Variants in ZNF700 observed in about 807,000 individuals in gnomAD.
ZNF700 encodes zinc finger protein 700.
ZNF700 carries 38 observed loss-of-function variants against 65.3 expected under a neutral mutation model. The ratio of observed to expected loss-of-function variants is 0.58; its 90% CI spans 0.45 to 0.76. The LOEUF is 0.76. Ranked by LOEUF, ZNF700 falls within the 30% of genes least tolerant of loss-of-function variation. The pLI is 0.00. For missense variants in ZNF700, 857 were observed against 888.4 expected, an observed-to-expected ratio of 0.96 and a Z score of 0.45; for synonymous variants, 285 against 290.4, an observed-to-expected ratio of 0.98 and a Z score of 0.19.
chr19:11,926,395 A>C (rs1599275287), intron 1 of ZNF700, among the ~76,000 whole-genome samples: 2 of 151,950 alleles, frequency 1.3e-5, no homozygotes, highest in East Asian at 3.9e-4. Context: ...CTGGAAAGGT[A>C]CTTTGTTTTT....
intron 1 of ZNF700, among the ~76,000 whole-genome samples, chr19:11,938,104 T>C (rs1391703298): frequency 6.6e-6 from 1 of 152,006 alleles, no homozygotes; most frequent in Non-Finnish European, 1.5e-5. Flanking sequence ...AGTCTCACTC[T>C]GTCATCCAGG....
Position 11,950,268 on chromosome 19 carries a change from T to A in ZNF700, c.*15T>A. 6.3e-7 allele frequency: 1 copy of A among 1,595,868 alleles called. No individual in the cohort carries two copies. Among genetic ancestry groups the A allele is most frequent in the Non-Finnish European group, 8.5e-7 (1 of 1,173,900 alleles). ...CATTCAGCTAGCCTGGTTCCTTTTA[T>A]GGACATGAATAGACTCACACTGGAA... is the stretch of plus-strand genomic sequence containing the variant. On this transcript the variant is annotated 3_prime_UTR_variant, in exon 4 of 4. Coordinates refer to ENST00000254321, the MANE Select transcript of ZNF700 (RefSeq NM_144566.3).
chr19:11,929,468 C>T (rs8113106), intron 1 of ZNF700, among the ~76,000 whole-genome samples: 133,222 of 148,176 alleles, frequency 0.9, 60,504 homozygotes, highest in African/African-American at 0.97. Context: ...CGGCCTGACT[C>T]ATTTGTTCAA....
chr19:11,931,670 G>GTGAAATATGTTGTTGCTGATAA (rs1555700040), intron 1 of ZNF700, among the ~76,000 whole-genome samples: 2 of 148,218 alleles, frequency 1.3e-5, no homozygotes, highest in Non-Finnish European at 2.9e-5. Flanking sequence ...TTTCAGAGAG[G>GTGAAATATGTTGTTGCTGATAA]TTACATCATA....
In ZNF700 at chr19:11,948,567, T is replaced by C. The variant is rs1218601715; in HGVS notation, c.543T>C (p.Ile181=). The C allele has an allele frequency of 6.2e-7, 1 of 1,607,386 alleles. No homozygotes were observed. Among genetic ancestry groups the C allele is most frequent in the Non-Finnish European group, 8.5e-7 (1 of 1,178,600 alleles). Reference sequence around the variant, plus strand: ...AAGCCTTCAGGTATCGCCCATCCATTAGAACACAAGAAAGGGATCACACTG... The same window carrying C: ...AAGCCTTCAGGTATCGCCCATCCATCAGAACACAAGAAAGGGATCACACTG... The part of the protein sequence containing the change: ...NKKAFRYRPS[I]RTQERDHTGE... The change falls in exon 4 of 4, where the codon ATT becomes ATC. Residue 181 remains isoleucine (I), a synonymous_variant. Coordinates refer to ENST00000254321, the MANE Select transcript of ZNF700 (RefSeq NM_144566.3).
At chr19:11,945,849 G>A (rs73003948) in intron 1 of ZNF700, among the ~76,000 whole-genome samples, 1,919 of 152,176 alleles carry the variant, frequency 0.013, 23 homozygotes, top group South Asian at 0.024. Context: ...GCAAGGAGAA[G>A]TCGGGCATGT....
intron 1 of ZNF700, among the ~76,000 whole-genome samples, chr19:11,937,710 G>A (rs554337599): frequency 1.8e-4 from 28 of 151,896 alleles, no homozygotes; most frequent in Non-Finnish European, 3.1e-4. Flanking sequence ...GGATGGTCTC[G>A]ATCTCCTGAC....
Position 11,925,119 on chromosome 19 carries a change from C to G in ZNF700, c.-92C>G, listed in dbSNP as rs976647969. 12 of 1,505,364 alleles carry G rather than the reference C, an allele frequency of 8.0e-6. No homozygotes were observed. The highest frequency in any genetic ancestry group is 7.1e-5 in the East Asian group (3 of 42,108). The allele number at this position is 1,505,364 out of a possible 1,614,324, so 93.3% of individuals were successfully genotyped here. A position where few individuals can be genotyped will look rare whatever the true frequency, so the allele number is the denominator to read the frequency against. On this transcript the variant is annotated 5_prime_UTR_variant, in exon 1 of 4. Coordinates refer to ENST00000254321, the MANE Select transcript of ZNF700 (RefSeq NM_144566.3). ...AGGGGGTCGCTTTCCTCACCTTCCT[C>G]GCTGCGCGGGCGGCGGTTGGTAACC...
rs1305654832 is a variant in ZNF700 at position 11,949,341 on chromosome 19, TCA to T, written c.1321_1322del (p.Thr441TrpfsTer6). On this transcript the variant is annotated frameshift_variant, in exon 4 of 4. Coordinates refer to ENST00000254321, the MANE Select transcript of ZNF700 (RefSeq NM_144566.3). LOFTEE classifies it high-confidence loss of function. The stretch of plus-strand genomic sequence containing the variant: ...CACAGCTTCGAGTGCACGGTGGGAC[TCA>T]CACTGGAGAGAAACCCTATGAATGT... ...ASQLRVHGGT[H>X]TGEKPYECKE... 3 of 1,613,520 alleles carry T rather than the reference TCA, an allele frequency of 1.9e-6. No individual in the cohort carries two copies. Among genetic ancestry groups the T allele is most frequent in the Admixed American group, 1.7e-5 (1 of 59,962 alleles).
At position 11,932,389 on chromosome 19, in the gene ZNF700, CTGT is replaced by C. The variant is rs1207597575; in HGVS notation, c.63+7122_63+7124del. On this transcript the variant is annotated intron_variant, in intron 1 of 3. Transcript: ENST00000254321. ...AAAAAATTAGTTTCAATATGCTATG[CTGT>C]TGTTGCTGATAATTAAAATTCACTG... 2.7e-5 allele frequency among the ~76,000 whole-genome samples: 4 copies of C among 147,554 alleles called. 1 individual carries two copies. The highest frequency in any genetic ancestry group is 1.1e-4 in the African/African-American group (4 of 37,860).
Position 11,944,986 on chromosome 19 carries a change from C to T in ZNF700, c.64-2195C>T, listed in dbSNP as rs551609331. Among the ~76,000 whole-genome samples the T allele has an allele frequency of 3.3e-5, 5 of 152,362 alleles. No individual in the cohort carries two copies. In the South Asian group the frequency reaches 1.0e-3, roughly 32 times the overall value. On this transcript the variant is annotated intron_variant, in intron 1 of 3. Coordinates refer to ENST00000254321, the MANE Select transcript of ZNF700 (RefSeq NM_144566.3). ...ATCCTTCTTCCATCACCTGTCCTCC[C>T]TCTGCCTGGAGAAAGTCCTTTTCTT...
chr19:11,935,810 A>G (rs1231835403), intron 1 of ZNF700, among the ~76,000 whole-genome samples: 1 of 152,174 alleles, frequency 6.6e-6, no homozygotes, highest in Non-Finnish European at 1.5e-5. Context: ...TGCACCCATC[A>G]ACTTGTCATT....
At position 11,949,151 on chromosome 19, in the gene ZNF700, C is replaced by T; in HGVS notation, c.1127C>T (p.Ser376Leu). 6.2e-7 allele frequency: 1 copy of T among 1,612,304 alleles called. No individual in the cohort carries two copies. Among genetic ancestry groups the T allele is most frequent in the South Asian group, 1.1e-5 (1 of 90,782 alleles). ...ICGKGFYSAK[S>L]FQTHEKTHTG... is the part of the protein sequence containing the mutation. ...GGGAAAGGCTTTTATTCTGCCAAGTCATTTCAAACACATGAAAAAACTCAC... is the reference window on the plus strand; with the variant it reads ...GGGAAAGGCTTTTATTCTGCCAAGTTATTTCAAACACATGAAAAAACTCAC... The change falls in exon 4 of 4, where the codon TCA becomes TTA. Residue 376 changes from serine to leucine, a missense_variant. Physicochemically the swap from Ser to Leu is moderately radical, Grantham distance 145. Around this residue, in one of 3 missense-constraint regions of ZNF700, gnomAD observed 603 missense variants for 619.9 expected, o/e 0.97. Coordinates refer to ENST00000254321, the MANE Select transcript of ZNF700 (RefSeq NM_144566.3).
rs187163243 is a variant in ZNF700, at chr19:11,947,638, T to C, written c.251+64T>C. 1.3e-3 allele frequency: 1,782 copies of C among 1,404,088 alleles called. 8 individuals carry two copies. The highest frequency in any genetic ancestry group is 1.0e-3 in the Non-Finnish European group (1,034 of 1,010,300). The allele number at this position is 1,404,088 out of a possible 1,614,324, so 87.0% of individuals were successfully genotyped here. The stretch of plus-strand genomic sequence containing the variant: ...ACAATCTTAGAATATGAGAATATGT[T>C]GAAGAGAAGTAAAACAAAGAACTAA... On this transcript the variant is annotated intron_variant, in intron 3 of 3. Transcript: ENST00000254321.
At position 11,949,715 on chromosome 19, in the gene ZNF700, A is replaced by G. The variant is rs374868056; in HGVS notation, c.1691A>G (p.Tyr564Cys). The G allele has an allele frequency of 1.5e-5, 24 of 1,613,938 alleles. No individual in the cohort carries two copies. Among genetic ancestry groups the G allele is most frequent in the Admixed American group, 6.7e-5 (4 of 60,002 alleles). ...HERTHTGEKP[Y>C]ECKQCGKAFR... ...AGGACTCACACTGGAGAGAAACCCT[A>G]TGAGTGTAAGCAATGTGGGAAAGCC... is the stretch of plus-strand genomic sequence containing the variant. Residue 564 changes from tyrosine (Y) to cysteine (C), a missense_variant, in exon 4 of 4, where the codon TAT becomes TGT. This residue lies in a region of ZNF700 where 251 missense variants were observed against 250.3 expected (regional missense o/e 1.00). Transcript: ENST00000254321.
At chr19:11,946,346 C>T (rs935937008) in intron 1 of ZNF700, among the ~76,000 whole-genome samples, 1 of 152,074 alleles carries the variant, frequency 6.6e-6, no homozygotes, top group Admixed American at 6.6e-5. Context: ...TGGGGAGTCT[C>T]TCTTCTAGGT....
At position 11,930,354 on chromosome 19, in the gene ZNF700, A is replaced by C. The variant is rs191212221; in HGVS notation, c.63+5081A>C. On this transcript the variant is annotated intron_variant, in intron 1 of 3. Coordinates refer to ENST00000254321, the MANE Select transcript of ZNF700 (RefSeq NM_144566.3). ...ACAAGGTTGTATTTAGCTGTCCTACAGGGAGGTGGTCACCAGAATGCAGTT... is the reference window on the plus strand; with the variant it reads ...ACAAGGTTGTATTTAGCTGTCCTACCGGGAGGTGGTCACCAGAATGCAGTT... Among the ~76,000 whole-genome samples the C allele has an allele frequency of 6.1e-5, 9 of 148,678 alleles. No homozygotes were observed. The East Asian group carries it at 1.5e-3, about 26-fold the overall frequency.
intron 1 of ZNF700, among the ~76,000 whole-genome samples, chr19:11,932,892 C>T (rs1972736407): frequency 6.7e-6 from 1 of 148,432 alleles, no homozygotes; most frequent in Non-Finnish European, 1.5e-5. Context: ...CTGCCTCAGC[C>T]TCCCAAAGTG....
In ZNF700 at chr19:11,934,974, A is replaced by G. The variant is rs528427492; in HGVS notation, c.63+9701A>G. Among the ~76,000 whole-genome samples, 79 of 146,910 alleles carry G rather than the reference A, an allele frequency of 5.4e-4. 6 individuals carry two copies. The highest frequency in any genetic ancestry group is 6.8e-3 in the Middle Eastern group (2 of 294). The stretch of plus-strand genomic sequence containing the variant: ...GGCGGGTGGATCAGGAGGTCAGATC[A>G]AGACCATCCTGGCTAACACTGTGAA... On this transcript the variant is annotated intron_variant, in intron 1 of 3. Transcript: ENST00000254321.
Sources: allele counts gnomAD v4.1 joint callset (sites outside exome capture counted in the v4.1 genomes callset), GRCh38; gene constraint gnomAD v4.1.1; regional missense constraint gnomAD v4.1.1; transcripts MANE v1.5; gene names NCBI Gene and HGNC (gene_info 2026-07-23, HGNC 2026-07-21).